FGD2: variants seen among roughly 807,000 people sequenced by gnomAD.
FGD2 encodes the protein FYVE, RhoGEF and PH domain containing 2.
FGD2 carries 52 observed loss-of-function variants against 75.9 expected under a neutral mutation model. The observed-to-expected ratio is 0.69, with a 90% CI of 0.55 to 0.86. The LOEUF (loss-of-function observed/expected upper bound fraction) is 0.86, where lower values mean the gene tolerates loss of function less well. FGD2 is among the 40% of genes least tolerant of loss of function. The pLI, the probability that FGD2 is intolerant of heterozygous loss-of-function variation, is 0.00. For synonymous variants in FGD2, 347 were observed against 348.6 expected, an observed-to-expected ratio of 1.00 and a Z score of 0.05; for missense variants, 790 against 872.0, an observed-to-expected ratio of 0.91 and a Z score of 1.18.
In FGD2 at chr6:37,013,845, AT is replaced by A. The variant is rs1236288595; in HGVS notation, c.684+81del. ...CAGGTTGCCTTGAGTGATTCCGGGC[AT>A]CTCCCAGGCTCAGCTGCTTCCATAG... On this transcript the variant is annotated intron_variant, in intron 5 of 15. Coordinates refer to ENST00000274963, the MANE Select transcript of FGD2 (RefSeq NM_173558.4). The A allele has an allele frequency of 3.0e-5, 47 of 1,590,634 alleles. No individual in the cohort carries two copies. In the South Asian group the frequency reaches 4.7e-4, roughly 16 times the overall value.
At chr6:37,008,331 A>T (rs974623321) in intron 1 of FGD2, among the ~76,000 whole-genome samples, 4 of 152,204 alleles carry the variant, frequency 2.6e-5, no homozygotes, top group African/African-American at 9.6e-5. Flanking sequence ...AGAACAGAGC[A>T]TCTGCTGCTG....
chr6:37,013,936 G>T (rs374762712), intron 5 of FGD2, 26 bp from the exon 6 acceptor site: 1 of 1,609,156 alleles, frequency 6.2e-7, no homozygotes, highest in Admixed American at 1.7e-5. Flanking sequence ...CACCCTCTCC[G>T]TGTTGCTCCC....
intron 13 of FGD2, 126 bp downstream of exon 13, chr6:37,022,496 C>G: frequency 7.5e-7 from 1 of 1,339,636 alleles, no homozygotes; most frequent in Non-Finnish European, 9.7e-7. Context: ...CCTGCCCCAC[C>G]TCGGCCTCCA....
intron 6 of FGD2, 114 bp from the exon 7 acceptor site, chr6:37,014,532 C>T: frequency 8.1e-7 from 1 of 1,241,586 alleles, no homozygotes; most frequent in Non-Finnish European, 1.1e-6. Flanking sequence ...CAGGGCTGCT[C>T]CTGGGGGCTG....
In FGD2 at chr6:37,014,978, G is replaced by A. The variant is rs767661520; in HGVS notation, c.969G>A (p.Glu323=). The A allele has an allele frequency of 1.9e-6, 3 of 1,614,050 alleles. No individual in the cohort carries two copies. Among genetic ancestry groups the A allele is most frequent in the Non-Finnish European group, 2.5e-6 (3 of 1,180,018 alleles). ...IVDPSNTLLR[E]GPVLKISFRR... ...ACCCCTCTAACACCCTGCTCCGTGA[G>A]GGCCCGGTCCTCAAGATCTCCTTCC... The change falls in exon 8 of 16, where the codon GAG becomes GAA. Residue 323 remains glutamate, a synonymous_variant. Transcript: ENST00000274963.
At chr6:37,015,090 C>A in intron 8 of FGD2, 52 bp downstream of exon 8, 1 of 1,579,824 alleles carries the variant, frequency 6.3e-7, no homozygotes, top group South Asian at 1.2e-5. Context: ...AGTCCATGGG[C>A]CACTCTGGCC....
intron 14 of FGD2, among the ~76,000 whole-genome samples, chr6:37,027,180 C>T (rs181257211): frequency 6.8e-4 from 104 of 152,260 alleles, no homozygotes; most frequent in African/African-American, 2.4e-3. Flanking sequence ...GGCACCCTCC[C>T]GGCACCTGCC....
chr6:37,018,907 A>G (rs1765435165), intron 9 of FGD2, among the ~76,000 whole-genome samples: 1 of 152,164 alleles, frequency 6.6e-6, no homozygotes, highest in South Asian at 2.1e-4. Context: ...GACTGAATTG[A>G]CCTAGCCCTG....
At chr6:37,013,881 T>C in intron 5 of FGD2, 81 bp from the exon 6 acceptor site, 1 of 1,583,932 alleles carries the variant, frequency 6.3e-7, no homozygotes, top group South Asian at 1.2e-5. Flanking sequence ...GGCCCCTGCC[T>C]ACTCGTCCGG....
At chr6:37,020,299 G>C (rs1027739456) in intron 9 of FGD2, among the ~76,000 whole-genome samples, 1 of 141,058 alleles carries the variant, frequency 7.1e-6, no homozygotes, top group Non-Finnish European at 1.5e-5. Context: ...GTCACACTGG[G>C]TCAACTTAGC....
chr6:37,016,541 T>C (rs1368086325), intron 9 of FGD2, among the ~76,000 whole-genome samples: 1 of 151,656 alleles, frequency 6.6e-6, no homozygotes, highest in African/African-American at 2.4e-5. Flanking sequence ...TGGATTTTTT[T>C]TTTTTTTTTT....
At chr6:37,011,917 G>A (rs1041321747) in intron 4 of FGD2, 63 bp downstream of exon 4, 2 of 1,572,210 alleles carry the variant, frequency 1.3e-6, no homozygotes, top group Non-Finnish European at 8.6e-7. Context: ...GAGGTGGGGA[G>A]ACCCCAGGGC....
At chr6:37,019,404 T>C (rs1467413111) in intron 9 of FGD2, among the ~76,000 whole-genome samples, 1 of 152,228 alleles carries the variant, frequency 6.6e-6, no homozygotes, top group African/African-American at 2.4e-5. Context: ...AGACTAGGCC[T>C]AACCTGAGGA....
chr6:37,018,936 C>T (rs527813980), intron 9 of FGD2, among the ~76,000 whole-genome samples: 1 of 152,338 alleles, frequency 6.6e-6, no homozygotes, highest in Non-Finnish European at 1.5e-5. Flanking sequence ...GGTTGAGGCT[C>T]AGCTCAGCAC....
At chr6:37,007,544 GC>G (rs35199100) in intron 1 of FGD2, among the ~76,000 whole-genome samples, 1 of 152,372 alleles carries the variant, frequency 6.6e-6, no homozygotes, top group African/African-American at 2.4e-5. Flanking sequence ...GGAGTGGGCA[GC>G]CCTTAGACGG....
intron 14 of FGD2, among the ~76,000 whole-genome samples, chr6:37,026,574 G>T (rs115900959): frequency 0.01 from 1,584 of 152,276 alleles, 10 homozygotes; most frequent in Non-Finnish European, 0.015. Context: ...CAAATACAAT[G>T]TCAACCAGCT....
chr6:37,027,965 C>T lies in FGD2; in HGVS notation c.1770C>T (p.Thr590=), dbSNP rs968220231. 6.2e-7 allele frequency: 1 copy of T among 1,614,024 alleles called. No homozygotes were observed. Among genetic ancestry groups the T allele is most frequent in the South Asian group, 1.1e-5 (1 of 91,090 alleles). ...CCCCCCAGGACATGAGGGCTCACAC[C>T]TCCATCCCCCTGCTGGGCTACCAGG... ...YAAPQDMRAH[T]SIPLLGYQVT... The change falls in exon 16 of 16, where the codon ACC becomes ACT. Residue 590 remains threonine, a synonymous_variant. Coordinates refer to ENST00000274963, the MANE Select transcript of FGD2 (RefSeq NM_173558.4).
Position 37,025,778 on chromosome 6 carries a change from T to A in FGD2, c.1459-14T>A. ...CTGGTCTCAGCCCCATGCCCCCTTA[T>A]GTGTCCTCCTCAGGTGGTGTGTGCC... On this transcript the variant is annotated splice_polypyrimidine_tract_variant and intron_variant, in intron 13 of 15. Transcript: ENST00000274963. 6.2e-7 allele frequency: 1 copy of A among 1,614,098 alleles called. No homozygotes were observed. Among genetic ancestry groups the A allele is most frequent in the Non-Finnish European group, 8.5e-7 (1 of 1,179,990 alleles).
At chr6:37,014,847 T>C in intron 7 of FGD2, 45 bp from the exon 8 acceptor site, 2 of 1,610,396 alleles carry the variant, frequency 1.2e-6, no homozygotes, top group Non-Finnish European at 1.7e-6. Flanking sequence ...CAGAAGCAGG[T>C]GAGCCCTGCC....
Sources: gnomAD v4.1 joint callset for allele counts (sites outside exome capture counted in the v4.1 genomes callset) on GRCh38, gnomAD v4.1.1 for gene constraint, MANE v1.5 for transcripts, NCBI Gene and HGNC (gene_info 2026-07-23, HGNC 2026-07-21) for gene names.